Variants in SEC14L5 observed in about 807,000 individuals in gnomAD.
SEC14L5 encodes SEC14-like protein 5.
SEC14L5 carries 96 observed loss-of-function variants against 84.6 expected under a neutral mutation model. The observed-to-expected ratio is 1.13, with a 90% CI of 0.96 to 1.34. SEC14L5 has a LOEUF of 1.34. Among genes scored for constraint, SEC14L5 ranks in the 40% most tolerant of loss-of-function variants. The pLI, the probability that SEC14L5 is intolerant of heterozygous loss-of-function variation, is 0.00. For synonymous variants in SEC14L5, 546 were observed against 383.4 expected (o/e 1.42, Z -4.95); for missense variants, 1,224 against 942.5 (o/e 1.30, Z -3.91).
intron 2 of SEC14L5, among the ~76,000 whole-genome samples, chr16:4,987,348 A>C (rs574716390): frequency 6.6e-6 from 1 of 152,170 alleles, no homozygotes; most frequent in Non-Finnish European, 1.5e-5. Context: ...TATGTGCCAA[A>C]TCATTGTCCA....
intron 15 of SEC14L5, among the ~76,000 whole-genome samples, chr16:5,011,517 C>G (rs1955804140): frequency 1.3e-5 from 2 of 152,214 alleles, no homozygotes; most frequent in Non-Finnish European, 2.9e-5. Context: ...TGGGCAGAAG[C>G]TCAACTTTTT....
At chr16:4,966,652 C>T (rs927348260) in intron 2 of SEC14L5, among the ~76,000 whole-genome samples, 4 of 152,052 alleles carry the variant, frequency 2.6e-5, no homozygotes, top group South Asian at 2.1e-4. Flanking sequence ...GCAGCCCATT[C>T]GACAGAGGAG....
chr16:5,006,933 C>T (rs1344408811), intron 12 of SEC14L5, among the ~76,000 whole-genome samples: 1 of 151,984 alleles, frequency 6.6e-6, no homozygotes, highest in Non-Finnish European at 1.5e-5. Context: ...TCTCGATGAG[C>T]ACGGTGCAGT....
rs1320066209 is a variant in SEC14L5 at position 4,998,688 on chromosome 16, A to C, written c.970+1644A>C. ...GGGAGGCGGAGCTTGCAGTGAGCCGAGATCCCGCCACTGCACTCCAGCCTG... is the reference window on the plus strand; with the variant it reads ...GGGAGGCGGAGCTTGCAGTGAGCCGCGATCCCGCCACTGCACTCCAGCCTG... On this transcript the variant is annotated intron_variant, in intron 8 of 15. Coordinates refer to ENST00000251170, the MANE Select transcript of SEC14L5 (RefSeq NM_014692.2). 5.4e-3 allele frequency among the ~76,000 whole-genome samples: 733 copies of C among 135,762 alleles called. 11 individuals carry two copies. The highest frequency in any genetic ancestry group is 0.02 in the African/African-American group (703 of 35,596). 89.1% of individuals were successfully genotyped at this position (135,762 alleles called of 152,430 possible).
chr16:4,993,889 T>A (rs556459415), intron 6 of SEC14L5, among the ~76,000 whole-genome samples: 3 of 151,774 alleles, frequency 2.0e-5, no homozygotes, highest in Admixed American at 6.6e-5. Context: ...ATAAAAGTAG[T>A]CACTTGTTGA....
At position 4,996,385 on chromosome 16, in the gene SEC14L5, G is replaced by A; in HGVS notation, c.705G>A (p.Leu235=). 1 of 1,567,218 alleles carries A rather than the reference G, an allele frequency of 6.4e-7. No individual in the cohort carries two copies. ...ATGCGGACTACATTGAGAGGTGCCT[G>A]GGCCACCTCACGCCCATGCAGGAGA... The part of the protein sequence containing the change: ...KLDADYIERC[L]GHLTPMQESC... Residue 235 remains leucine, a synonymous_variant, in exon 7 of 16, where the codon CTG becomes CTA. Transcript: ENST00000251170.
At chr16:4,966,061 A>T (rs1955196675) in intron 2 of SEC14L5, among the ~76,000 whole-genome samples, 1 of 152,124 alleles carries the variant, frequency 6.6e-6, no homozygotes, top group Admixed American at 6.5e-5. Flanking sequence ...AATTAAAAAA[A>T]ATGTTAAAAA....
chr16:4,988,725 T>C (rs1955522192), intron 4 of SEC14L5, among the ~76,000 whole-genome samples: 1 of 152,236 alleles, frequency 6.6e-6, no homozygotes, highest in Admixed American at 6.5e-5. Context: ...GCCTGGCACA[T>C]ATTAAGTTCT....
chr16:4,996,774 G>A lies in SEC14L5; in HGVS notation c.781-81G>A, dbSNP rs1955615079. Reference sequence around the variant, plus strand: ...TTTTGTAGAGATGGGGTCTCACCATGTTGCCCCGGCTGGTTCTGTAATTTT... The same window carrying A: ...TTTTGTAGAGATGGGGTCTCACCATATTGCCCCGGCTGGTTCTGTAATTTT... On this transcript the variant is annotated intron_variant, in intron 7 of 15. Transcript: ENST00000251170. The A allele has an allele frequency of 1.9e-5, 21 of 1,111,428 alleles. No homozygotes were observed. The South Asian group carries it at 2.8e-4, about 15-fold the overall frequency. The allele number at this position is 1,111,428 out of a possible 1,614,324, so 68.8% of individuals were successfully genotyped here. A position where few individuals can be genotyped will look rare whatever the true frequency, so the allele number is the denominator to read the frequency against.
At position 4,991,884 on chromosome 16, in the gene SEC14L5, GT is replaced by G. The variant is rs760573887; in HGVS notation, c.522del (p.Thr175ProfsTer72). On this transcript the variant is annotated frameshift_variant, in exon 6 of 16. Transcript: ENST00000251170. LOFTEE classifies it high-confidence loss of function. ...TACCTGAATGAGCTCATCTCCCAGG[GT>G]ACCTCGCACATTCCGCGCTGGACGC... ...EHYLNELISQGTSHIPRWTPA... is the reference protein window; with the variant it reads ...EHYLNELISQXTSHIPRWTPA... The G allele has an allele frequency of 6.2e-7, 1 of 1,610,378 alleles. No individual in the cohort carries two copies. The highest frequency in any genetic ancestry group is 8.5e-7 in the Non-Finnish European group (1 of 1,178,980).
At chr16:4,973,269 C>T (rs13335768) in intron 2 of SEC14L5, among the ~76,000 whole-genome samples, 64,431 of 152,148 alleles carry the variant, frequency 0.42, 14,161 homozygotes, top group Non-Finnish European at 0.49. Flanking sequence ...TGGCTGCAGA[C>T]GCTGTTCTGA....
chr16:5,017,252 A>C lies in SEC14L5; in HGVS notation c.*2282A>C, dbSNP rs1222266657. 1 of 152,128 alleles carries C rather than the reference A, an allele frequency of 6.6e-6. No individual in the cohort carries two copies. The highest frequency in any genetic ancestry group is 2.4e-5 in the African/African-American group (1 of 41,406). 9.4% of individuals were successfully genotyped at this position (152,128 alleles called of 1,614,324 possible). A position where few individuals can be genotyped will look rare whatever the true frequency, so the allele number is the denominator to read the frequency against. ...GGGGTGAGGAACCTCAGGCCCTTTC[A>C]GTTCTGCTCTTGAGAGTGCTCTCTC... On this transcript the variant is annotated 3_prime_UTR_variant, in exon 16 of 16. Coordinates refer to ENST00000251170, the MANE Select transcript of SEC14L5 (RefSeq NM_014692.2).
At chr16:5,009,297 G>T (rs192821089) in intron 14 of SEC14L5, among the ~76,000 whole-genome samples, 1 of 151,928 alleles carries the variant, frequency 6.6e-6, no homozygotes, top group Non-Finnish European at 1.5e-5. Flanking sequence ...TCACAGTTAG[G>T]CCCCATCTTA....
At chr16:4,979,729 C>A (rs917037495) in intron 2 of SEC14L5, among the ~76,000 whole-genome samples, 1 of 6,136 alleles carries the variant, frequency 1.6e-4, no homozygotes, top group Middle Eastern at 0.071. Flanking sequence ...TTTTCTTGCT[C>A]CTGTCATTTT....
At chr16:4,974,463 C>G (rs932848141) in intron 2 of SEC14L5, among the ~76,000 whole-genome samples, 13 of 152,156 alleles carry the variant, frequency 8.5e-5, no homozygotes, top group African/African-American at 2.4e-4. Flanking sequence ...CTCGACCTCC[C>G]AAAGTGCTGG....
intron 2 of SEC14L5, among the ~76,000 whole-genome samples, chr16:4,968,005 C>A (rs1005258613): frequency 1.5e-5 from 2 of 136,778 alleles, no homozygotes; most frequent in African/African-American, 5.4e-5. Flanking sequence ...CCCTTTCTCC[C>A]TCTCTATTTT....
At chr16:5,007,228 C>T (rs897957196) in intron 12 of SEC14L5, 124 bp from the exon 13 acceptor site, 1 of 753,716 alleles carries the variant, frequency 1.3e-6, no homozygotes, top group South Asian at 1.9e-5. Context: ...TGGAAGCCCA[C>T]AGCCCATTCA....
At chr16:4,987,455 T>C (rs1019373318) in intron 2 of SEC14L5, 102 bp from the exon 3 acceptor site, 3 of 1,047,070 alleles carry the variant, frequency 2.9e-6, no homozygotes, top group South Asian at 1.7e-5. Context: ...CAGGGCTGCC[T>C]TTCCCGTCTG....
chr16:5,005,907 G>A lies in SEC14L5; in HGVS notation c.1303-7G>A. 2.6e-6 allele frequency: 4 copies of A among 1,551,182 alleles called. No homozygotes were observed. Among genetic ancestry groups the A allele is most frequent in the Non-Finnish European group, 3.5e-6 (4 of 1,140,788 alleles). ...ACCATCCATCTTGCCTTATGTCCTG[G>A]TTTCAGATCAGCCCCTTCATCAATG... On this transcript the variant is annotated splice_polypyrimidine_tract_variant and splice_region_variant and intron_variant, in intron 11 of 15. Transcript: ENST00000251170.
Sources: allele counts gnomAD v4.1 joint callset (sites outside exome capture counted in the v4.1 genomes callset), GRCh38; gene constraint gnomAD v4.1.1; transcripts MANE v1.5; gene names NCBI Gene and HGNC (gene_info 2026-07-23, HGNC 2026-07-21).